Variants in COL26A1 observed in about 807,000 individuals in gnomAD.
COL26A1 encodes the protein collagen type XXVI alpha 1 chain.
In COL26A1, 41 loss-of-function variants were observed where a neutral mutation model predicts 59.3. The observed-to-expected ratio is 0.69, with a 90% CI of 0.54 to 0.90. The LOEUF (loss-of-function observed/expected upper bound fraction) is 0.90. Among genes scored for constraint, COL26A1 ranks in the 40% least tolerant of loss-of-function variants. The probability of loss-of-function intolerance (pLI) is 0.00; values close to 1 mark genes in which losing one functional copy is unlikely to be tolerated. For missense variants in COL26A1, 612 were observed against 602.3 expected, an observed-to-expected ratio of 1.02 and a Z score of -0.17; for synonymous variants, 266 against 256.0, an observed-to-expected ratio of 1.04 and a Z score of -0.37.
intron 3 of COL26A1, among the ~76,000 whole-genome samples, chr7:101,480,435 A>G (rs1227254801): frequency 5.9e-5 from 9 of 151,808 alleles, no homozygotes; most frequent in African/African-American, 2.2e-4. Context: ...ATTTTATTTC[A>G]TATTAGAGTT....
intron 3 of COL26A1, among the ~76,000 whole-genome samples, chr7:101,513,936 G>A (rs1414775268): frequency 3.9e-5 from 6 of 152,114 alleles, no homozygotes; most frequent in South Asian, 2.1e-4. Flanking sequence ...ATAGGAAAAC[G>A]GGTCAAGGGC....
chr7:101,367,768 AAG>A (rs1791085303), intron 1 of COL26A1, among the ~76,000 whole-genome samples: 1 of 152,178 alleles, frequency 6.6e-6, no homozygotes, highest in African/African-American at 2.4e-5. Flanking sequence ...GCAAACCAGA[AAG>A]AGAACCCTCA....
At chr7:101,442,637 G>A (rs934418680) in intron 2 of COL26A1, among the ~76,000 whole-genome samples, 7 of 152,144 alleles carry the variant, frequency 4.6e-5, no homozygotes, top group Non-Finnish European at 8.8e-5. Flanking sequence ...GACTCCCCAG[G>A]CTCCTTAGAT....
In COL26A1 at chr7:101,452,253, G is replaced by A. The variant is rs1793357589; in HGVS notation, c.385+4466G>A. ...AGTGGATGAAACACAGTAGCCCATGGCAGCAGGTGGCAGGACCGTGGGAGG... is the reference window on the plus strand; with the variant it reads ...AGTGGATGAAACACAGTAGCCCATGACAGCAGGTGGCAGGACCGTGGGAGG... On this transcript the variant is annotated intron_variant, in intron 3 of 12. Coordinates refer to ENST00000313669, the MANE Select transcript of COL26A1 (RefSeq NM_001278563.3). Among the ~76,000 whole-genome samples, 4 of 152,154 alleles carry A rather than the reference G, an allele frequency of 2.6e-5. No homozygotes were observed. In the South Asian group the frequency reaches 8.3e-4, roughly 32 times the overall value.
rs1794360947 is a variant in COL26A1, at chr7:101,489,686, TTTC to T, written c.385+41902_385+41904del. The stretch of plus-strand genomic sequence containing the variant: ...CTTCCTTCCTTCCTTCCTTCCTTTC[TTTC>T]TTTCTTTCTGTCTTTCTTTCTTTCA... On this transcript the variant is annotated intron_variant, in intron 3 of 12. Transcript: ENST00000313669. 4.4e-4 allele frequency among the ~76,000 whole-genome samples: 7 copies of T among 16,032 alleles called. 1 individual carries two copies. The African/African-American group carries it at 4.8e-3, about 11-fold the overall frequency. The allele number at this position is 16,032 out of a possible 152,430, so 10.5% of individuals were successfully genotyped here.
rs1269320787 is a variant in COL26A1, at chr7:101,434,037, TTCCCTTCCCTCCC to T, written c.282-13641_282-13629del. Among the ~76,000 whole-genome samples the T allele has an allele frequency of 1.7e-3, 192 of 113,546 alleles. 7 individuals carry two copies. The highest frequency in any genetic ancestry group is 7.8e-3 in the African/African-American group (169 of 21,734). 74.5% of individuals were successfully genotyped at this position (113,546 alleles called of 152,430 possible). On this transcript the variant is annotated intron_variant, in intron 2 of 12. Coordinates refer to ENST00000313669, the MANE Select transcript of COL26A1 (RefSeq NM_001278563.3). ...ATTTTCCCATCTGGTGATTACTCCC[TTCCCTTCCCTCCC>T]TCCCTCCCTCCCTCCCTCCCTCCCT...
At chr7:101,442,925 A>G (rs1351883257) in intron 2 of COL26A1, among the ~76,000 whole-genome samples, 1 of 148,370 alleles carries the variant, frequency 6.7e-6, no homozygotes, top group Non-Finnish European at 1.5e-5. Flanking sequence ...GAGAGAGCAA[A>G]TGAGTGTGTG....
At chr7:101,544,211 A>G in intron 6 of COL26A1, 115 bp downstream of exon 6, 2 of 704,574 alleles carry the variant, frequency 2.8e-6, no homozygotes, top group Non-Finnish European at 2.3e-6. Context: ...CTTGCTGGGT[A>G]CCAGAAAAAC....
At chr7:101,372,508 G>T (rs182850283) in intron 1 of COL26A1, among the ~76,000 whole-genome samples, 181 of 152,248 alleles carry the variant, frequency 1.2e-3, no homozygotes, top group Non-Finnish European at 2.0e-3. Context: ...CACATACTTA[G>T]GGAAATGTTC....
chr7:101,408,031 G>A (rs1422278779), intron 1 of COL26A1, among the ~76,000 whole-genome samples: 5 of 152,194 alleles, frequency 3.3e-5, no homozygotes, highest in Middle Eastern at 3.2e-3. Context: ...TGCTGCTGCT[G>A]TGCACTGCTG....
chr7:101,551,317 G>A (rs1023745897), intron 10 of COL26A1, among the ~76,000 whole-genome samples, 174 bp downstream of exon 10: 5 of 152,286 alleles, frequency 3.3e-5, no homozygotes, highest in African/African-American at 9.6e-5. Flanking sequence ...CTGCTGCGGG[G>A]TGAGGAGGGA....
At chr7:101,556,142 C>A (rs993464636) in intron 12 of COL26A1, among the ~76,000 whole-genome samples, 1 of 152,220 alleles carries the variant, frequency 6.6e-6, no homozygotes, top group Non-Finnish European at 1.5e-5. Context: ...CACCTCCATG[C>A]CTTTGCTCGG....
chr7:101,401,446 AAG>A (rs1475794687), intron 1 of COL26A1, among the ~76,000 whole-genome samples: 1 of 151,820 alleles, frequency 6.6e-6, no homozygotes, highest in Non-Finnish European at 1.5e-5. Flanking sequence ...AAGGAAGAGA[AAG>A]AGGAGAGAAG....
chr7:101,487,191 T>C (rs1794287757), intron 3 of COL26A1, among the ~76,000 whole-genome samples: 1 of 151,956 alleles, frequency 6.6e-6, no homozygotes, highest in South Asian at 2.1e-4. Flanking sequence ...GTTTGCGAGG[T>C]CCTGGAGAAA....
intron 1 of COL26A1, among the ~76,000 whole-genome samples, chr7:101,407,735 C>T (rs981408116): frequency 5.9e-5 from 9 of 151,862 alleles, no homozygotes; most frequent in Non-Finnish European, 2.9e-5. Context: ...CCCCCTAGCA[C>T]CATAACGATT....
In COL26A1 at chr7:101,401,866, G is replaced by A. The variant is rs574296559; in HGVS notation, c.159-18111G>A. On this transcript the variant is annotated intron_variant, in intron 1 of 12. Transcript: ENST00000313669. Reference sequence around the variant, plus strand: ...CAGGACACCACCTCTTGTCTCCAGCGGAAAGCTGCAGGATCTGGTGGTGTC... The same window carrying A: ...CAGGACACCACCTCTTGTCTCCAGCAGAAAGCTGCAGGATCTGGTGGTGTC... 1.9e-3 allele frequency among the ~76,000 whole-genome samples: 285 copies of A among 152,188 alleles called. 1 individual carries two copies. Among genetic ancestry groups the A allele is most frequent in the African/African-American group, 6.6e-3 (274 of 41,534 alleles).
At chr7:101,440,388 A>G (rs1018395260) in intron 2 of COL26A1, among the ~76,000 whole-genome samples, 9 of 152,184 alleles carry the variant, frequency 5.9e-5, no homozygotes, top group Admixed American at 3.3e-4. Flanking sequence ...CAACAAAAAA[A>G]GAAAGTTTGC....
chr7:101,386,257 GTT>G (rs71106515), intron 1 of COL26A1, among the ~76,000 whole-genome samples: 14 of 117,666 alleles, frequency 1.2e-4, no homozygotes, highest in Non-Finnish European at 1.2e-4. Context: ...GTCCTAGCTT[GTT>G]TTTTTTTTTT....
At chr7:101,514,143 C>T (rs4472437) in intron 3 of COL26A1, among the ~76,000 whole-genome samples, 78,763 of 151,700 alleles carry the variant, frequency 0.52, 21,538 homozygotes, top group African/African-American at 0.67. Flanking sequence ...CAAGACCAGC[C>T]TGGCCAATAT....
Sources: allele counts gnomAD v4.1 joint callset (sites outside exome capture counted in the v4.1 genomes callset), GRCh38; gene constraint gnomAD v4.1.1; transcripts MANE v1.5; gene names NCBI Gene and HGNC (gene_info 2026-07-23, HGNC 2026-07-21).